Variants in ZNF541 observed in about 807,000 individuals in gnomAD.
The protein encoded by ZNF541 is zinc finger protein 541.
A neutral mutation model predicts 123.5 loss-of-function variants in ZNF541; 23 were observed. The observed-to-expected ratio is 0.19, with a 90% CI of 0.13 to 0.26. The LOEUF is 0.26. Ranked by LOEUF, ZNF541 falls within the 10% of genes least tolerant of loss-of-function variation. The pLI is 1.00. For synonymous variants in ZNF541, 751 were observed against 754.5 expected, an observed-to-expected ratio of 1.00 and a Z score of 0.08; for missense variants, 1,612 against 1,789.9, an observed-to-expected ratio of 0.90 and a Z score of 1.79.
intron 3 of ZNF541, among the ~76,000 whole-genome samples, chr19:47,550,707 T>G (rs972491420): frequency 2.4e-4 from 36 of 152,202 alleles, no homozygotes; most frequent in African/African-American, 8.7e-4. Flanking sequence ...AGTACAGTGG[T>G]GCGATCACAG....
rs188610591 is a variant in ZNF541 at position 47,536,207 on chromosome 19, C to T, written c.3094+1935G>A. Among the ~76,000 whole-genome samples, 26 of 152,308 alleles carry T rather than the reference C, an allele frequency of 1.7e-4. No individual in the cohort carries two copies. In the East Asian group the frequency reaches 5.0e-3, roughly 29 times the overall value. On this transcript the variant is annotated intron_variant, in intron 9 of 16. Transcript: ENST00000391901. The stretch of plus-strand genomic sequence containing the variant: ...GCCCTCATTCCGGTAAATCCACAAC[C>T]TTCCAGCGTGGGTGTCATGGCCATT...
intron 2 of ZNF541, among the ~76,000 whole-genome samples, chr19:47,564,575 G>T (rs1034886881): frequency 2.6e-5 from 4 of 152,004 alleles, no homozygotes; most frequent in Non-Finnish European, 5.9e-5. Context: ...CATCACTAAC[G>T]ATCAGGGAAA....
intron 5 of ZNF541, among the ~76,000 whole-genome samples, chr19:47,542,361 A>G (rs147153981): frequency 6.6e-6 from 1 of 152,276 alleles, no homozygotes; most frequent in Admixed American, 6.5e-5. Context: ...TACACTTTAA[A>G]ATGGTGTATT....
rs1286850156 is a variant in ZNF541, at chr19:47,544,659, G to A, written c.1870C>T (p.Pro624Ser). ...GGTGTGGTTTTTCTCCTGCGGGCTGGGGAGCCCTCTGCCTCGGGGTTTCCA... is the reference window on the plus strand; with the variant it reads ...GGTGTGGTTTTTCTCCTGCGGGCTGAGGAGCCCTCTGCCTCGGGGTTTCCA... The part of the protein sequence containing the change: ...GPGNPEAEGS[P>S]ARRRKTTPGV... Residue 624 changes from proline to serine, a missense_variant, in exon 5 of 17, where the codon CCA becomes TCA. Pro to Ser is a moderately conservative substitution (Grantham distance 74). Coordinates refer to ENST00000391901, the MANE Select transcript of ZNF541 (RefSeq NM_001277075.3). The A allele has an allele frequency of 6.5e-7, 1 of 1,542,032 alleles. No individual in the cohort carries two copies. The highest frequency in any genetic ancestry group is 2.0e-5 in the Admixed American group (1 of 50,654).
Position 47,539,762 on chromosome 19 carries a change from C to A in ZNF541, c.2739G>T (p.Val913=), listed in dbSNP as rs1410936469. ...PLDPTAAAPL[V]VPQSIPVVPV... ...GAACCACGGGGATCGATTGGGGGAC[C>A]ACCAAAGGGGCTGCAGCTGTGGGGT... is the stretch of plus-strand genomic sequence containing the variant. Residue 913 remains valine, a synonymous_variant, in exon 8 of 17, where the codon GTG becomes GTT. Transcript: ENST00000391901. 16 of 1,467,782 alleles carry A rather than the reference C, an allele frequency of 1.1e-5. No individual in the cohort carries two copies. The highest frequency in any genetic ancestry group is 1.3e-5 in the Non-Finnish European group (15 of 1,116,344). 90.9% of individuals were successfully genotyped at this position (1,467,782 alleles called of 1,614,324 possible). A position where few individuals can be genotyped will look rare whatever the true frequency, so the allele number is the denominator to read the frequency against.
intron 14 of ZNF541, among the ~76,000 whole-genome samples, chr19:47,523,331 G>A (rs1339126408): frequency 1.7e-5 from 2 of 115,440 alleles, no homozygotes; most frequent in Non-Finnish European, 3.2e-5. Flanking sequence ...CCCGGCGAGC[G>A]TCTCTTTTAA....
In ZNF541 at chr19:47,530,099, C is replaced by T. The variant is rs114350077; in HGVS notation, c.3406-447G>A. On this transcript the variant is annotated intron_variant, in intron 12 of 16. Coordinates refer to ENST00000391901, the MANE Select transcript of ZNF541 (RefSeq NM_001277075.3). ...CTGAGCTCCAATTTCTGGGCTCCTT[C>T]AGCCTCTGCCTCCCAAGTAGCCAGG... 3.1e-3 allele frequency among the ~76,000 whole-genome samples: 464 copies of T among 152,092 alleles called. 1 individual carries two copies. Among genetic ancestry groups the T allele is most frequent in the African/African-American group, 0.011 (438 of 41,482 alleles).
Position 47,538,265 on chromosome 19 carries a change from A to T in ZNF541, c.2971T>A (p.Cys991Ser). 6.4e-7 allele frequency: 1 copy of T among 1,551,406 alleles called. No individual in the cohort carries two copies. The highest frequency in any genetic ancestry group is 8.7e-7 in the Non-Finnish European group (1 of 1,146,836). Residue 991 changes from cysteine (C) to serine (S), a missense_variant, in exon 9 of 17, where the codon TGC (cysteine) becomes AGC (serine). By Grantham distance (112) the Cys-to-Ser change is moderately radical. This residue lies in a region of ZNF541 where 285 missense variants were observed against 407.3 expected (regional missense o/e 0.70). Coordinates refer to ENST00000391901, the MANE Select transcript of ZNF541 (RefSeq NM_001277075.3). The part of the protein sequence containing the change: ...VDCLLKGLFQ[C>S]SPYTPPPMLS... ...ATTGGGGGTGGTGTGTAGGGGGAGCACTGGAATAAGCCCTTCAGGAGGCAG... is the reference window on the plus strand; with the variant it reads ...ATTGGGGGTGGTGTGTAGGGGGAGCTCTGGAATAAGCCCTTCAGGAGGCAG...
intron 2 of ZNF541, among the ~76,000 whole-genome samples, chr19:47,563,088 A>G (rs1194567012): frequency 6.6e-6 from 1 of 152,050 alleles, no homozygotes; most frequent in African/African-American, 2.4e-5. Flanking sequence ...CTGCACCTGC[A>G]ATGTCTGCAT....
intron 4 of ZNF541, among the ~76,000 whole-genome samples, chr19:47,547,011 G>A (rs1269157312): frequency 2.0e-5 from 3 of 152,228 alleles, no homozygotes; most frequent in Non-Finnish European, 4.4e-5. Context: ...GTGAGCCACT[G>A]TAGCCGGCAC....
At chr19:47,549,219 GT>G in intron 4 of ZNF541, 25 bp downstream of exon 4, 1 of 1,551,474 alleles carries the variant, frequency 6.4e-7, no homozygotes, top group Non-Finnish European at 8.7e-7. Context: ...CTGAACAGAC[GT>G]TTTTCTGACC....
intron 9 of ZNF541, among the ~76,000 whole-genome samples, chr19:47,535,644 C>T (rs1969780734): frequency 6.6e-6 from 1 of 152,080 alleles, no homozygotes; most frequent in African/African-American, 2.4e-5. Flanking sequence ...AAAACCTGTA[C>T]ATAAGGCTGG....
At chr19:47,562,374 T>C (rs1971100212) in intron 2 of ZNF541, among the ~76,000 whole-genome samples, 1 of 151,850 alleles carries the variant, frequency 6.6e-6, no homozygotes, top group African/African-American at 2.4e-5. Flanking sequence ...TGAAACGCCA[T>C]CTCTACTAAA....
intron 11 of ZNF541, among the ~76,000 whole-genome samples, 175 bp from the exon 12 acceptor site, chr19:47,531,920 C>T (rs1332268528): frequency 6.6e-6 from 1 of 152,172 alleles, no homozygotes; most frequent in East Asian, 1.9e-4. Context: ...CTCCTGATGG[C>T]CTGACCAGCC....
intron 5 of ZNF541, 123 bp downstream of exon 5, chr19:47,544,003 A>G: frequency 7.9e-7 from 1 of 1,270,432 alleles, no homozygotes. Context: ...CGGAACCTTA[A>G]TTCCTTCCTC....
chr19:47,529,145 A>G (rs185572293), intron 13 of ZNF541, 107 bp from the exon 14 acceptor site: 63 of 805,332 alleles, frequency 7.8e-5, no homozygotes, highest in Non-Finnish European at 1.2e-4. Flanking sequence ...ACTGAGTACC[A>G]ATTATGTGCC....
chr19:47,556,879 T>A (rs1367399898), intron 2 of ZNF541, among the ~76,000 whole-genome samples: 1 of 151,302 alleles, frequency 6.6e-6, no homozygotes, highest in African/African-American at 2.4e-5. Context: ...TGCCTGAGCA[T>A]CCCAAGTAGC....
chr19:47,559,676 C>CCCA (rs1970981558), intron 2 of ZNF541, among the ~76,000 whole-genome samples: 1 of 151,780 alleles, frequency 6.6e-6, no homozygotes, highest in Non-Finnish European at 1.5e-5. Context: ...ATAGTAAAAC[C>CCCA]CCATCTCTAC....
chr19:47,540,890 T>C lies in ZNF541; in HGVS notation c.2462+3A>G. 1 of 1,551,050 alleles carries C rather than the reference T, an allele frequency of 6.4e-7. No individual in the cohort carries two copies. The highest frequency in any genetic ancestry group is 8.7e-7 in the Non-Finnish European group (1 of 1,146,800). On this transcript the variant is annotated splice_donor_region_variant and intron_variant, in intron 6 of 16. Coordinates refer to ENST00000391901, the MANE Select transcript of ZNF541 (RefSeq NM_001277075.3). ...ATGCAGGATCGGGGGCTTCTTAACT[T>C]ACCCTCTGCCTGCCACATTCTCTTC...
Sources: allele counts gnomAD v4.1 joint callset (sites outside exome capture counted in the v4.1 genomes callset), GRCh38; gene constraint gnomAD v4.1.1; regional missense constraint gnomAD v4.1.1; transcripts MANE v1.5; gene names NCBI Gene and HGNC (gene_info 2026-07-23, HGNC 2026-07-21).